CDH3: variants seen among roughly 807,000 people sequenced by gnomAD.
The protein encoded by CDH3 is cadherin 3.
In CDH3, 54 loss-of-function variants were observed where a neutral mutation model predicts 82.0. The observed-to-expected ratio is 0.66, with a 90% CI of 0.53 to 0.83. The LOEUF is 0.83. Ranked by LOEUF, CDH3 falls within the 40% of genes least tolerant of loss-of-function variation. CDH3 has a pLI of 0.00. For missense variants in CDH3, 1,054 were observed against 1,084.6 expected, an observed-to-expected ratio of 0.97 and a Z score of 0.40; for synonymous variants, 446 against 437.9, an observed-to-expected ratio of 1.02 and a Z score of -0.23.
intron 6 of CDH3, 139 bp from the exon 7 acceptor site, chr16:68,679,660 A>G (rs2152100515): frequency 1.6e-6 from 1 of 610,020 alleles, no homozygotes; most frequent in South Asian, 2.0e-5. Flanking sequence ...ACACCATTGC[A>G]CTCCAGCCTG....
chr16:68,717,473 A>G (rs529454396), intron 1 of CDH3, among the ~76,000 whole-genome samples: 7 of 152,250 alleles, frequency 4.6e-5, no homozygotes, highest in African/African-American at 7.2e-5. Flanking sequence ...GCAGTGCCTT[A>G]AAGTTGTGAT....
downstream of CDH3, among the ~76,000 whole-genome samples, chr16:68,701,249 G>A (rs536521959): frequency 6.6e-5 from 10 of 152,188 alleles, no homozygotes; most frequent in South Asian, 1.9e-3. Flanking sequence ...GCCCCCGAGA[G>A]GTTTAGAAAG....
intron 2 of CDH3, among the ~76,000 whole-genome samples, chr16:68,659,650 C>T (rs1318158655): frequency 1.3e-5 from 2 of 151,108 alleles, no homozygotes; most frequent in African/African-American, 2.4e-5. Flanking sequence ...CACCACTGTA[C>T]TGTAGCCTGG....
chr16:68,678,470 T>A, intron 4 of CDH3, 31 bp from the exon 5 acceptor site: 1 of 1,614,056 alleles, frequency 6.2e-7, no homozygotes, highest in Middle Eastern at 1.6e-4. Context: ...TATTTGTTAC[T>A]TTGTCAGCTG....
At chr16:68,729,322 C>T (rs1005400372), downstream of CDH3, among the ~76,000 whole-genome samples, 31 of 152,146 alleles carry the variant, frequency 2.0e-4, no homozygotes, top group African/African-American at 7.2e-4. Context: ...TATATATATG[C>T]CGGACATCCT....
intron 2 of CDH3, among the ~76,000 whole-genome samples, chr16:68,723,858 A>G (rs1340943086): frequency 6.6e-6 from 1 of 152,144 alleles, no homozygotes; most frequent in Non-Finnish European, 1.5e-5. Context: ...TCACAAGGTC[A>G]GGAGATCGAG....
downstream of CDH3, among the ~76,000 whole-genome samples, chr16:68,727,813 A>T (rs1051716522): frequency 2.0e-5 from 3 of 152,018 alleles, no homozygotes; most frequent in African/African-American, 4.8e-5. Context: ...GGAGACTGAG[A>T]CAGGAGAATC....
chr16:68,691,131 A>C (rs1961561722), intron 12 of CDH3, among the ~76,000 whole-genome samples: 1 of 150,224 alleles, frequency 6.7e-6, no homozygotes, highest in Non-Finnish European at 1.5e-5. Context: ...TCAGCCTCCC[A>C]AGTAGCTGGG....
Position 68,662,894 on chromosome 16 carries a change from A to G in CDH3, c.161-13491A>G, listed in dbSNP as rs1960630654. ...TTTTTTTTTTTTTTTTTTTTGAGAC[A>G]GTCTTGCTCTGTCACCCAGGCTGGA... On this transcript the variant is annotated intron_variant, in intron 2 of 15. Coordinates refer to ENST00000264012, the MANE Select transcript of CDH3 (RefSeq NM_001793.6). 2.9e-5 allele frequency among the ~76,000 whole-genome samples: 3 copies of G among 105,014 alleles called. No individual in the cohort carries two copies. In the Admixed American group the frequency reaches 4.0e-4, roughly 14 times the overall value. 68.9% of individuals were successfully genotyped at this position (105,014 alleles called of 152,430 possible).
chr16:68,673,577 G>A lies in CDH3; in HGVS notation c.161-2808G>A, dbSNP rs963845834. The stretch of plus-strand genomic sequence containing the variant: ...GGGCTCAAATGATCCTCCCACTTCA[G>A]CCTCCCAAGTTGCTGGAACAGGTGC... On this transcript the variant is annotated intron_variant, in intron 2 of 15. Transcript: ENST00000264012. Among the ~76,000 whole-genome samples the A allele has an allele frequency of 7.9e-5, 12 of 151,786 alleles. No homozygotes were observed. The South Asian group carries it at 2.3e-3, about 29-fold the overall frequency.
intron 2 of CDH3, among the ~76,000 whole-genome samples, chr16:68,658,344 G>T (rs553957540): frequency 6.6e-6 from 1 of 152,100 alleles, no homozygotes; most frequent in South Asian, 2.1e-4. Context: ...AGGGAAAAAT[G>T]GATTCTAAGC....
intron 1 of CDH3, among the ~76,000 whole-genome samples, chr16:68,713,702 A>G (rs2152110387): frequency 6.6e-6 from 1 of 152,080 alleles, no homozygotes; most frequent in South Asian, 2.1e-4. Context: ...ATGTCATTGG[A>G]CGCCCTTCAA....
chr16:68,731,055 T>A (rs1330610534), downstream of CDH3, among the ~76,000 whole-genome samples: 35 of 35,904 alleles, frequency 9.7e-4, no homozygotes, highest in Non-Finnish European at 1.6e-3. Flanking sequence ...AAAATATATA[T>A]ATATATATAT....
At chr16:68,715,996 C>G (rs1962090900) in intron 1 of CDH3, among the ~76,000 whole-genome samples, 1 of 152,198 alleles carries the variant, frequency 6.6e-6, no homozygotes, top group South Asian at 2.1e-4. Flanking sequence ...TGGCCAGGCA[C>G]TGTGGCTCAT....
chr16:68,690,779 T>C (rs1049058274), intron 12 of CDH3, among the ~76,000 whole-genome samples: 20 of 146,676 alleles, frequency 1.4e-4, no homozygotes, highest in African/African-American at 4.5e-4. Flanking sequence ...TGGTGGCGGG[T>C]GCCTGTAATC....
At chr16:68,654,711 A>ATATATAT (rs921226592) in intron 2 of CDH3, among the ~76,000 whole-genome samples, 5 of 132,344 alleles carry the variant, frequency 3.8e-5, no homozygotes, top group Non-Finnish European at 7.9e-5. Flanking sequence ...TCAAAAAAAA[A>ATATATAT]AAATATATAT....
rs1048263452 is a variant in CDH3 at position 68,678,218 on chromosome 16, G to T, written c.331G>T (p.Val111Phe). The T allele has an allele frequency of 2.5e-6, 4 of 1,613,748 alleles. No homozygotes were observed. In the African/African-American group the frequency reaches 5.3e-5, roughly 22 times the overall value. Residue 111 changes from valine to phenylalanine, a missense_variant, in exon 4 of 16, where the codon GTT becomes TTT. Val to Phe is a conservative substitution (Grantham distance 50). Coordinates refer to ENST00000264012, the MANE Select transcript of CDH3 (RefSeq NM_001793.6). ...ACGAAGACACAAGAGAGATTGGGTG[G>T]TTGCTCCAATATCTGTCCCTGAAAA... ...ILRRHKRDWV[V>F]APISVPENGK...
chr16:68,732,997 TCA>T, the CDH3 span, among the ~76,000 whole-genome samples: 1 of 151,928 alleles, frequency 6.6e-6, no homozygotes, highest in Non-Finnish European at 1.5e-5. Context: ...TCCAGGCAGC[TCA>T]CAATTTTTCC....
chr16:68,688,221 T>C (rs1403478863), intron 12 of CDH3, among the ~76,000 whole-genome samples: 1 of 151,676 alleles, frequency 6.6e-6, no homozygotes, highest in African/African-American at 2.4e-5. Flanking sequence ...TAGCATCTGA[T>C]TGAGGTTCTA....
Sources: allele counts gnomAD v4.1 joint callset (sites outside exome capture counted in the v4.1 genomes callset), GRCh38; gene constraint gnomAD v4.1.1; transcripts MANE v1.5; gene names NCBI Gene and HGNC (gene_info 2026-07-23, HGNC 2026-07-21).